The following CRACD variants were observed in gnomAD, a reference collection of about 807,000 sequenced individuals.
CRACD encodes capping protein inhibiting regulator of actin dynamics, also known as capping protein-inhibiting regulator of actin dynamics.
In CRACD, 56 loss-of-function variants were observed where a neutral mutation model predicts 106.8. The observed-to-expected ratio is 0.52, with a 90% CI of 0.42 to 0.66. The LOEUF is 0.66. Ranked by LOEUF, CRACD falls within the 30% of genes least tolerant of loss-of-function variation. CRACD has a pLI of 0.00. For missense variants in CRACD, 1,730 were observed against 1,623.2 expected (o/e 1.07, Z -1.13); for synonymous variants, 754 against 670.8 (o/e 1.12, Z -1.92).
chr4:56,134,253 A>G (rs914812780), intron 1 of CRACD, among the ~76,000 whole-genome samples: 3 of 152,084 alleles, frequency 2.0e-5, no homozygotes, highest in African/African-American at 7.2e-5. Context: ...TTGGACAGTC[A>G]AATAAAGGAA....
rs1746236215 is a variant in CRACD at position 56,323,480 on chromosome 4, A to G, written c.3291A>G (p.Gln1097=). ...PLWITLALQK[Q]KGFREQQATR... is the part of the protein sequence containing the mutation. The stretch of plus-strand genomic sequence containing the variant: ...GGATAACGTTAGCACTGCAAAAGCA[A>G]AAGGGGTTTCGGGAGCAGCAGGCGA... The change falls in exon 9 of 11, where the codon CAA becomes CAG. Residue 1097 remains glutamine (Q), a synonymous_variant. Coordinates refer to ENST00000682029, the MANE Select transcript of CRACD (RefSeq NM_001393381.1). The G allele has an allele frequency of 6.2e-7, 1 of 1,610,350 alleles. No homozygotes were observed. Among genetic ancestry groups the G allele is most frequent in the Non-Finnish European group, 8.5e-7 (1 of 1,179,090 alleles).
intron 1 of CRACD, among the ~76,000 whole-genome samples, chr4:56,131,074 A>G (rs1178616334): frequency 6.6e-6 from 1 of 152,222 alleles, no homozygotes; most frequent in East Asian, 1.9e-4. Flanking sequence ...AAAGCAGAAC[A>G]TATGTTAAAT....
chr4:56,050,683 C>T (rs938823701), intron 1 of CRACD, among the ~76,000 whole-genome samples: 1 of 152,072 alleles, frequency 6.6e-6, no homozygotes, highest in Non-Finnish European at 1.5e-5. Context: ...ATTTCAAAGG[C>T]AGCTTTGAAA....
intron 2 of CRACD, among the ~76,000 whole-genome samples, chr4:56,234,211 C>T (rs1442387349): frequency 6.6e-6 from 1 of 152,088 alleles, no homozygotes; most frequent in African/African-American, 2.4e-5. Flanking sequence ...GTTTTCATCA[C>T]CCTTGAAACA....
intron 3 of CRACD, among the ~76,000 whole-genome samples, chr4:56,279,525 C>T (rs1007790253): frequency 5.3e-5 from 8 of 151,992 alleles, no homozygotes; most frequent in East Asian, 1.9e-4. Flanking sequence ...TTTATGCAGC[C>T]GAAAGACACA....
At position 56,315,250 on chromosome 4, in the gene CRACD, A is replaced by G. The variant is rs1482156242; in HGVS notation, c.1748A>G (p.His583Arg). ...PKAPKASPVQ[H>R]ALPSSLSVPH... ...GCCCCCAAAGCCAGCCCAGTCCAGC[A>G]CGCCCTACCGTCGTCCCTGAGCGTT... is the stretch of plus-strand genomic sequence containing the variant. The change falls in exon 8 of 11, where the codon CAC (histidine) becomes CGC (arginine). Residue 583 changes from histidine to arginine, a missense_variant. His to Arg is a conservative substitution (Grantham distance 29). Around this residue, in one of 5 missense-constraint regions of CRACD, gnomAD observed 1,620 missense variants for 1,481.6 expected, o/e 1.09. Transcript: ENST00000682029. The surrounding 1 kb of genome is among the most constrained non-coding windows in gnomAD (Gnocchi z 4.1). The G allele has an allele frequency of 6.2e-7, 1 of 1,605,020 alleles. No homozygotes were observed. The highest frequency in any genetic ancestry group is 1.7e-5 in the Admixed American group (1 of 58,380).
At chr4:56,274,494 C>G (rs1044803804) in intron 3 of CRACD, among the ~76,000 whole-genome samples, 2 of 152,160 alleles carry the variant, frequency 1.3e-5, no homozygotes, top group Non-Finnish European at 2.9e-5. Context: ...TGGAGGTTCT[C>G]TTCCCATTTA....
chr4:56,299,482 C>A (rs1168249764), intron 4 of CRACD, among the ~76,000 whole-genome samples: 1 of 151,990 alleles, frequency 6.6e-6, no homozygotes, highest in African/African-American at 2.4e-5. Flanking sequence ...CTAACCTGGG[C>A]AACATGGTGA....
chr4:56,144,740 C>A (rs1350790364), intron 1 of CRACD, among the ~76,000 whole-genome samples: 1 of 151,614 alleles, frequency 6.6e-6, no homozygotes, highest in Non-Finnish European at 1.5e-5. Context: ...ACTGCAAACT[C>A]CGCCTTCCGG....
At chr4:56,284,751 C>T (rs1014876972) in intron 3 of CRACD, among the ~76,000 whole-genome samples, 1 of 151,722 alleles carries the variant, frequency 6.6e-6, no homozygotes, top group African/African-American at 2.4e-5. Flanking sequence ...AAAAAAGAAT[C>T]ACATCTGTGT....
rs112098777 is a variant in CRACD at position 56,314,802 on chromosome 4, G to C, written c.1300G>C (p.Glu434Gln). ...NDFEERLEDQ[E>Q]RLKPEGQREH... ...CTTTGAGGAGAGGCTCGAAGACCAG[G>C]AACGCCTGAAACCCGAAGGACAAAG... Residue 434 changes from glutamate to glutamine, a missense_variant, in exon 8 of 11, where the codon GAA becomes CAA. Around this residue, in one of 5 missense-constraint regions of CRACD, gnomAD observed 1,620 missense variants for 1,481.6 expected, o/e 1.09. Transcript: ENST00000682029. The surrounding 1 kb of genome is among the most constrained non-coding windows in gnomAD (Gnocchi z 4.4). 21,620 of 1,604,638 alleles carry C rather than the reference G, an allele frequency of 0.013. 162 individuals carry two copies. Among genetic ancestry groups the C allele is most frequent in the Non-Finnish European group, 0.016 (19,047 of 1,176,814 alleles).
chr4:56,328,488 A>G lies in CRACD; in HGVS notation c.*684A>G. The G allele has an allele frequency of 2.1e-6, 1 of 484,594 alleles. No individual in the cohort carries two copies. The highest frequency in any genetic ancestry group is 3.3e-4 in the Middle Eastern group (1 of 2,998). The allele number at this position is 484,594 out of a possible 1,614,324, so 30.0% of individuals were successfully genotyped here. ...CAATACCCTCCTTAAGGACATGTGA[A>G]GCATTTGGCCCAGTTGGCTCCCAGG... On this transcript the variant is annotated 3_prime_UTR_variant, in exon 11 of 11. Transcript: ENST00000682029.
intron 4 of CRACD, chr4:56,301,158 ATT>A (rs74499702): frequency 6.0e-5 from 59 of 989,822 alleles, no homozygotes; most frequent in Admixed American, 4.2e-4. Flanking sequence ...AGAAAATGTG[ATT>A]TTTTTTTTGG....
intron 3 of CRACD, among the ~76,000 whole-genome samples, chr4:56,273,638 G>A (rs931337204): frequency 2.0e-4 from 31 of 152,116 alleles, no homozygotes; most frequent in African/African-American, 6.0e-4. Context: ...CATCTGATTT[G>A]TTTGCCCTTG....
At chr4:56,268,664 G>A (rs904999850) in intron 2 of CRACD, among the ~76,000 whole-genome samples, 3 of 152,184 alleles carry the variant, frequency 2.0e-5, no homozygotes, top group South Asian at 2.1e-4. Flanking sequence ...TTGGACAGTC[G>A]TAGAGAAAGT....
At chr4:56,085,085 G>A (rs867364052) in intron 1 of CRACD, among the ~76,000 whole-genome samples, 126 of 152,194 alleles carry the variant, frequency 8.3e-4, no homozygotes, top group African/African-American at 2.9e-3. Flanking sequence ...GAGTATGGGC[G>A]TTTGGCATGA....
At chr4:56,284,430 G>C (rs1158174561) in intron 3 of CRACD, among the ~76,000 whole-genome samples, 1 of 151,628 alleles carries the variant, frequency 6.6e-6, no homozygotes. Flanking sequence ...ACTATTGTCA[G>C]TAAAATCACA....
intron 1 of CRACD, among the ~76,000 whole-genome samples, chr4:56,087,482 G>A (rs1029359021): frequency 1.3e-5 from 2 of 152,146 alleles, no homozygotes; most frequent in African/African-American, 2.4e-5. Context: ...CCTTCTTGCG[G>A]AGTCTCCTCC....
At chr4:56,128,055 G>T (rs1392935361) in intron 1 of CRACD, among the ~76,000 whole-genome samples, 1 of 152,046 alleles carries the variant, frequency 6.6e-6, no homozygotes, top group Non-Finnish European at 1.5e-5. Flanking sequence ...GAAGGCACTA[G>T]AATTTGAGCG....
Sources: gnomAD v4.1 joint callset for allele counts (sites outside exome capture counted in the v4.1 genomes callset) on GRCh38, gnomAD v4.1.1 for gene constraint, gnomAD v4.1.1 regional missense constraint, Gnocchi (gnomAD v3.1) non-coding constraint, MANE v1.5 for transcripts, NCBI Gene and HGNC (gene_info 2026-07-23, HGNC 2026-07-21) for gene names.